EBF1: variants seen among roughly 807,000 people sequenced by gnomAD.
EBF1 encodes EBF transcription factor 1.
Under a neutral mutation model 68.4 loss-of-function variants are expected in EBF1, and 10 were observed. The observed-to-expected ratio is 0.15, with a 90% confidence interval of 0.09 to 0.25. The LOEUF is 0.25. Among genes scored for constraint, EBF1 ranks in the 10% least tolerant of loss-of-function variants. EBF1 has a pLI of 1.00. For missense variants in EBF1, 509 were observed against 794.4 expected, an observed-to-expected ratio of 0.64 and a Z score of 4.32; for synonymous variants, 298 against 299.8, an observed-to-expected ratio of 0.99 and a Z score of 0.06.
At chr5:158,976,243 G>A (rs1001930439) in intron 6 of EBF1, among the ~76,000 whole-genome samples, 27 of 152,278 alleles carry the variant, frequency 1.8e-4, no homozygotes, top group Admixed American at 1.7e-3. Context: ...GGGCTCCCAA[G>A]CCTCTTGATG....
At chr5:158,801,680 A>AAAAG (rs976869915) in intron 8 of EBF1, among the ~76,000 whole-genome samples, 2 of 151,918 alleles carry the variant, frequency 1.3e-5, no homozygotes, top group South Asian at 4.2e-4. Flanking sequence ...AAAAAAAAAA[A>AAAAG]AAAGAAAGAA....
At chr5:158,815,169 C>T (rs1783471101) in intron 8 of EBF1, among the ~76,000 whole-genome samples, 2 of 152,170 alleles carry the variant, frequency 1.3e-5, no homozygotes, top group South Asian at 2.1e-4. Context: ...TGCTGTGTGA[C>T]TTTAGGCTAG....
intron 6 of EBF1, among the ~76,000 whole-genome samples, chr5:158,899,738 A>G (rs1583002223): frequency 6.6e-6 from 1 of 152,196 alleles, no homozygotes; most frequent in East Asian, 1.9e-4. Context: ...CATTCTATTT[A>G]GACCGAAGGA....
At chr5:158,733,693 C>T (rs370497883) in intron 10 of EBF1, among the ~76,000 whole-genome samples, 1 of 152,156 alleles carries the variant, frequency 6.6e-6, no homozygotes, top group Non-Finnish European at 1.5e-5. Flanking sequence ...GGGCTTTTAA[C>T]TTATGTCCCA....
intron 15 of EBF1, among the ~76,000 whole-genome samples, chr5:158,706,082 T>A (rs1239170894): frequency 6.6e-6 from 1 of 152,218 alleles, no homozygotes; most frequent in Non-Finnish European, 1.5e-5. Context: ...CAAAGCATTA[T>A]TTTTAGCTGA....
intron 6 of EBF1, among the ~76,000 whole-genome samples, chr5:159,040,633 A>G (rs911642574): frequency 6.6e-6 from 1 of 152,218 alleles, no homozygotes; most frequent in African/African-American, 2.4e-5. Flanking sequence ...TTTTTTACAT[A>G]TGTTTTTAAC....
chr5:159,096,939 C>T lies in EBF1; in HGVS notation c.291+35G>A, dbSNP rs769446149. 43 of 1,608,400 alleles carry T rather than the reference C, an allele frequency of 2.7e-5. No homozygotes were observed. The African/African-American group carries it at 5.5e-4, about 20-fold the overall frequency. On this transcript the variant is annotated intron_variant, in intron 2 of 15. Transcript: ENST00000313708. ...TCCCGGGCCTGCTCCCGAGCCGAGC[C>T]GGGGACGAGGGGCGACAGCGCTGCG...
chr5:158,994,937 G>A (rs989795050), intron 6 of EBF1, among the ~76,000 whole-genome samples: 7 of 152,160 alleles, frequency 4.6e-5, no homozygotes, highest in African/African-American at 7.2e-5. Context: ...TCAGTGACAT[G>A]AGAGTCACAC....
rs1481942480 is a variant in EBF1 at position 158,805,601 on chromosome 5, G to A, written c.779-9126C>T. Among the ~76,000 whole-genome samples, 4 of 151,974 alleles carry A rather than the reference G, an allele frequency of 2.6e-5. No individual in the cohort carries two copies. In the East Asian group the frequency reaches 7.7e-4, roughly 29 times the overall value. On this transcript the variant is annotated intron_variant, in intron 8 of 15. Coordinates refer to ENST00000313708, the MANE Select transcript of EBF1 (RefSeq NM_024007.5). The stretch of plus-strand genomic sequence containing the variant: ...TTTTTCTAGGAAATGTTTTTGCTAT[G>A]AATTTTGCTAAGAAGAAATTTTAAA...
At chr5:158,705,805 T>C (rs192846486) in intron 15 of EBF1, among the ~76,000 whole-genome samples, 4 of 152,350 alleles carry the variant, frequency 2.6e-5, no homozygotes, top group Non-Finnish European at 2.9e-5. Context: ...TGCCCACTTC[T>C]GTCACTGTTG....
chr5:158,777,615 A>T, intron 9 of EBF1, 76 bp from the exon 10 acceptor site: 1 of 1,445,578 alleles, frequency 6.9e-7, no homozygotes, highest in South Asian at 1.5e-5. Context: ...AGCTCTCCAT[A>T]AACAAAGCTT....
intron 9 of EBF1, among the ~76,000 whole-genome samples, chr5:158,783,351 C>T (rs1410398435): frequency 6.6e-6 from 1 of 152,096 alleles, no homozygotes; most frequent in African/African-American, 2.4e-5. Flanking sequence ...TGCGTATTTG[C>T]ACAGAAGAAA....
chr5:158,934,746 A>T (rs1435626347), intron 6 of EBF1, among the ~76,000 whole-genome samples: 2 of 152,252 alleles, frequency 1.3e-5, no homozygotes, highest in Admixed American at 1.3e-4. Flanking sequence ...TATGAAGATC[A>T]AAGGAGACAA....
rs570988031 is a variant in EBF1, at chr5:158,774,854, G to A, written c.1036+2559C>T. On this transcript the variant is annotated intron_variant, in intron 10 of 15. Coordinates refer to ENST00000313708, the MANE Select transcript of EBF1 (RefSeq NM_024007.5). The stretch of plus-strand genomic sequence containing the variant: ...AATGAACACAGATTCCCTTTCATCA[G>A]AAATGATGTGATGTCACAATAACTG... 2.8e-4 allele frequency among the ~76,000 whole-genome samples: 42 copies of A among 152,158 alleles called. 1 individual carries two copies. The South Asian group carries it at 8.1e-3, about 29-fold the overall frequency.
chr5:159,086,909 A>G (rs1780733450), intron 4 of EBF1, among the ~76,000 whole-genome samples: 1 of 152,102 alleles, frequency 6.6e-6, no homozygotes, highest in African/African-American at 2.4e-5. Context: ...AAGCAGTTGC[A>G]TTACTCAAGA....
intron 10 of EBF1, among the ~76,000 whole-genome samples, chr5:158,762,814 C>T (rs534861623): frequency 5.9e-5 from 9 of 152,260 alleles, no homozygotes; most frequent in East Asian, 1.9e-4. Flanking sequence ...GGATTACAAG[C>T]GTAAGCCACT....
At position 158,696,271 on chromosome 5, in the gene EBF1, T is replaced by G. The variant is rs763801733; in HGVS notation, c.*2840A>C. ...CATATTCTGTATTTAGGGGAACATCTTTTATTTGTAAAACTTTTGTGGAGA... is the reference window on the plus strand; with the variant it reads ...CATATTCTGTATTTAGGGGAACATCGTTTATTTGTAAAACTTTTGTGGAGA... On this transcript the variant is annotated 3_prime_UTR_variant, in exon 16 of 16. Transcript: ENST00000313708. The G allele has an allele frequency of 9.1e-6, 2 of 219,668 alleles. No individual in the cohort carries two copies. Among genetic ancestry groups the G allele is most frequent in the Non-Finnish European group, 1.8e-5 (2 of 109,566 alleles). 13.6% of individuals were successfully genotyped at this position (219,668 alleles called of 1,614,324 possible). A position where few individuals can be genotyped will look rare whatever the true frequency, so the allele number is the denominator to read the frequency against.
intron 6 of EBF1, among the ~76,000 whole-genome samples, chr5:158,921,457 T>C (rs1808420076): frequency 6.6e-6 from 1 of 152,222 alleles, no homozygotes; most frequent in African/African-American, 2.4e-5. Context: ...AGGTTTTTAA[T>C]TGGGCTATTT....
chr5:158,766,211 C>T (rs115088698), intron 10 of EBF1, among the ~76,000 whole-genome samples: 3,366 of 152,170 alleles, frequency 0.022, 139 homozygotes, highest in African/African-American at 0.077. Context: ...TTTTAAATAT[C>T]GGTTTTTAAA....
Sources: allele counts gnomAD v4.1 joint callset (sites outside exome capture counted in the v4.1 genomes callset), GRCh38; gene constraint gnomAD v4.1.1; transcripts MANE v1.5; gene names NCBI Gene and HGNC (gene_info 2026-07-23, HGNC 2026-07-21).